DSCAML1: variants seen among roughly 807,000 people sequenced by gnomAD.
DSCAML1 encodes the protein DS cell adhesion molecule like 1, also known as cell adhesion molecule DSCAML1.
In DSCAML1, 38 loss-of-function variants were observed where a neutral mutation model predicts 200.5. The observed-to-expected ratio is 0.19, with a 90% confidence interval of 0.15 to 0.25. The LOEUF (loss-of-function observed/expected upper bound fraction) is 0.25, where lower values mean the gene tolerates loss of function less well. Among genes scored for constraint, DSCAML1 ranks in the 10% least tolerant of loss-of-function variants. The pLI is 1.00. For synonymous variants in DSCAML1, 1,215 were observed against 1,165.0 expected, an observed-to-expected ratio of 1.04 and a Z score of -0.87; for missense variants, 2,223 against 2,858.8, an observed-to-expected ratio of 0.78 and a Z score of 5.07.
At chr11:117,460,061 C>A (rs1366273397) in intron 18 of DSCAML1, among the ~76,000 whole-genome samples, 1 of 152,224 alleles carries the variant, frequency 6.6e-6, no homozygotes, top group East Asian at 1.9e-4. Context: ...GTCAGGAGTC[C>A]AGCTTGTCTT....
rs967225563 is a variant in DSCAML1, at chr11:117,516,840, C to T, written c.1511-101G>A. 2.5e-5 allele frequency: 35 copies of T among 1,424,426 alleles called. No homozygotes were observed. The highest frequency in any genetic ancestry group is 9.5e-5 in the East Asian group (4 of 42,310). The allele number at this position is 1,424,426 out of a possible 1,614,324, so 88.2% of individuals were successfully genotyped here. On this transcript the variant is annotated intron_variant, in intron 7 of 32. Transcript: ENST00000651296. The surrounding 1 kb of genome is among the most constrained non-coding windows in gnomAD (Gnocchi z 5.7). ...CCCTGCGGTGCTCTTCTCAGGCACT[C>T]GGCCCCTGAGACTTTCGGGGGCGGA... is the stretch of plus-strand genomic sequence containing the variant.
At chr11:117,803,172 C>G (rs138204716) in intron 1 of DSCAML1, among the ~76,000 whole-genome samples, 2 of 151,866 alleles carry the variant, frequency 1.3e-5, no homozygotes, top group Non-Finnish European at 2.9e-5. Flanking sequence ...CTCCTATCAC[C>G]GACTGGGCCA....
chr11:117,430,867 G>A lies in DSCAML1; in HGVS notation c.5541C>T (p.Gly1847=), dbSNP rs758237942. The change falls in exon 32 of 33, where the codon GGC becomes GGT. Residue 1847 remains glycine, a synonymous_variant. Transcript: ENST00000651296. ...TCATGCTGTCGGCGTTCTCGTTGGT[G>A]CCTGTGGTCATCTGGTCAGAGGAAC... The part of the protein sequence containing the change: ...SDSSSDQMTT[G]TNENADSMTS... 3.7e-6 allele frequency: 6 copies of A among 1,614,146 alleles called. No individual in the cohort carries two copies. In the East Asian group the frequency reaches 1.1e-4, roughly 30 times the overall value.
At chr11:117,522,714 G>A (rs564522988) in intron 5 of DSCAML1, among the ~76,000 whole-genome samples, 4 of 152,310 alleles carry the variant, frequency 2.6e-5, no homozygotes, top group African/African-American at 7.2e-5. Flanking sequence ...GTCGCCAGCC[G>A]GAGCTCCCAG....
intron 3 of DSCAML1, among the ~76,000 whole-genome samples, chr11:117,712,464 C>T (rs868121413): frequency 6.6e-6 from 1 of 152,034 alleles, no homozygotes; most frequent in African/African-American, 2.4e-5. Context: ...CATAGAAATC[C>T]GGTTTCCCTG....
At chr11:117,798,189 C>T (rs1283562492), upstream of DSCAML1, among the ~76,000 whole-genome samples, 1 of 152,214 alleles carries the variant, frequency 6.6e-6, no homozygotes, top group Non-Finnish European at 1.5e-5. Context: ...ACTGTAGCTC[C>T]CTTTGCAGGG....
intron 22 of DSCAML1, 102 bp downstream of exon 22, chr11:117,439,717 A>T: frequency 1.7e-6 from 2 of 1,148,524 alleles, no homozygotes; most frequent in Non-Finnish European, 2.6e-6. Context: ...CCTGGAGGCA[A>T]CCGGGTCACC....
At chr11:117,660,330 CA>C (rs1435877068) in intron 3 of DSCAML1, among the ~76,000 whole-genome samples, 1 of 152,230 alleles carries the variant, frequency 6.6e-6, no homozygotes. Flanking sequence ...GTTGAGGAGC[CA>C]GACCTAAATT....
intron 8 of DSCAML1, among the ~76,000 whole-genome samples, chr11:117,506,485 G>A (rs149766005): frequency 2.1e-3 from 322 of 151,444 alleles, no homozygotes; most frequent in South Asian, 9.0e-3. Flanking sequence ...TGTCATCACC[G>A]TGTGGCTTGG....
In DSCAML1 at chr11:117,549,614, T is replaced by C. The variant is rs547401096; in HGVS notation, c.512-17092A>G. ...AGTGCCAGGCCCAGCGCCTGCACAG[T>C]GATTGCGTGATAAACGATTGCTCTC... On this transcript the variant is annotated intron_variant, in intron 3 of 32. Transcript: ENST00000651296. 3.9e-5 allele frequency among the ~76,000 whole-genome samples: 6 copies of C among 152,322 alleles called. No individual in the cohort carries two copies. In the South Asian group the frequency reaches 1.2e-3, roughly 32 times the overall value.
intron 3 of DSCAML1, among the ~76,000 whole-genome samples, chr11:117,554,092 C>T (rs12286677): frequency 0.1 from 15,762 of 152,178 alleles, 1,017 homozygotes; most frequent in African/African-American, 0.15. Flanking sequence ...ATGTGAGGTC[C>T]CTAGAGTAGT....
In DSCAML1 at chr11:117,803,961, G is replaced by A. The variant is rs17121257; in HGVS notation, c.-250+13429C>T. ...GGAGACAACTTGGTGCTGCCGTAAC[G>A]CCTTCCACGGTCTCTCTGCAGGGCA... On this transcript the variant is annotated intron_variant, in intron 1 of 2. Coordinates refer to the DSCAML1 transcript ENST00000525836. 4.2e-3 allele frequency among the ~76,000 whole-genome samples: 645 copies of A among 152,330 alleles called. 5 individuals are homozygous for A. The highest frequency in any genetic ancestry group is 0.014 in the African/African-American group (598 of 41,566).
intron 3 of DSCAML1, among the ~76,000 whole-genome samples, chr11:117,661,746 C>T (rs2052858329): frequency 1.3e-5 from 2 of 152,184 alleles, no homozygotes; most frequent in African/African-American, 4.8e-5. Context: ...CATTTTCTTT[C>T]CTTGCTAATG....
chr11:117,532,832 T>A (rs1425818775), intron 3 of DSCAML1, among the ~76,000 whole-genome samples: 2 of 151,920 alleles, frequency 1.3e-5, no homozygotes, highest in Non-Finnish European at 2.9e-5. Flanking sequence ...GTGTACAGAT[T>A]TAAAAAATGG....
At chr11:117,767,175 G>A (rs2054915065) in intron 3 of DSCAML1, among the ~76,000 whole-genome samples, 1 of 152,126 alleles carries the variant, frequency 6.6e-6, no homozygotes. Context: ...TGGAGAAGTG[G>A]CCCAAGTTAT....
chr11:117,491,891 C>T (rs1280802854), intron 11 of DSCAML1, among the ~76,000 whole-genome samples: 1 of 152,108 alleles, frequency 6.6e-6, no homozygotes, highest in Non-Finnish European at 1.5e-5. Context: ...GAAAAATGCA[C>T]GTGAATTTGG....
intron 24 of DSCAML1, 25 bp from the exon 25 acceptor site, chr11:117,438,108 G>A (rs761560194): frequency 6.3e-7 from 1 of 1,588,378 alleles, no homozygotes; most frequent in Non-Finnish European, 8.6e-7. Flanking sequence ...CCTGATTCAG[G>A]TGGGGGCAGG....
chr11:117,483,618 C>T (rs901607877), intron 11 of DSCAML1, among the ~76,000 whole-genome samples: 1 of 152,166 alleles, frequency 6.6e-6, no homozygotes, highest in African/African-American at 2.4e-5. Context: ...GAGAAATGCA[C>T]GGCCCCTGAC....
At chr11:117,544,031 T>C (rs1041657160) in intron 3 of DSCAML1, among the ~76,000 whole-genome samples, 5 of 152,164 alleles carry the variant, frequency 3.3e-5, no homozygotes, top group African/African-American at 1.2e-4. Flanking sequence ...ATGGGGGATA[T>C]GGAGTCAGAG....
Sources: allele counts gnomAD v4.1 joint callset (sites outside exome capture counted in the v4.1 genomes callset), GRCh38; gene constraint gnomAD v4.1.1; non-coding constraint Gnocchi (gnomAD v3.1); transcripts MANE v1.5; gene names NCBI Gene and HGNC (gene_info 2026-07-23, HGNC 2026-07-21).